Variants in TMEM132B observed in about 807,000 individuals in gnomAD.
TMEM132B encodes the protein transmembrane protein 132B.
A neutral mutation model predicts 90.8 loss-of-function variants in TMEM132B; 18 were observed. The observed-to-expected ratio is 0.20, with a 90% CI of 0.14 to 0.29. TMEM132B has a LOEUF of 0.29. Ranked by LOEUF, TMEM132B falls within the 10% of genes least tolerant of loss-of-function variation. TMEM132B has a pLI of 1.00. For synonymous variants in TMEM132B, 504 were observed against 523.3 expected (o/e 0.96, Z 0.50); for missense variants, 1,096 against 1,326.8 (o/e 0.83, Z 2.70).
intron 5 of TMEM132B, chr12:125,585,094 C>G (rs943562753): frequency 3.3e-5 from 5 of 152,146 alleles, no homozygotes; most frequent in African/African-American, 1.2e-4. Context: ...TTGTGACCTA[C>G]AGGATGCTGT....
At chr12:125,363,741 A>G (rs773310722) in intron 2 of TMEM132B, among the ~76,000 whole-genome samples, 19 of 152,218 alleles carry the variant, frequency 1.2e-4, no homozygotes, top group South Asian at 2.1e-4. Context: ...GCTTAGAAAG[A>G]TAAGTGACTT....
At chr12:125,526,383 C>A (rs1444020693) in intron 4 of TMEM132B, among the ~76,000 whole-genome samples, 2 of 152,238 alleles carry the variant, frequency 1.3e-5, no homozygotes, top group Non-Finnish European at 2.9e-5. Flanking sequence ...GAGACTTATT[C>A]CTACAGGCCC....
chr12:125,413,866 G>A (rs1023354547), intron 2 of TMEM132B, among the ~76,000 whole-genome samples: 1 of 146,110 alleles, frequency 6.8e-6, no homozygotes, highest in African/African-American at 2.6e-5. Context: ...CCTAGGAGTG[G>A]AATTGCTAGA....
chr12:125,264,400 A>G (rs1299821161), intron 1 of TMEM132B, among the ~76,000 whole-genome samples: 1 of 152,054 alleles, frequency 6.6e-6, no homozygotes, highest in Non-Finnish European at 1.5e-5. Flanking sequence ...GGAGGCAATC[A>G]CTCTACTAAG....
Position 125,243,010 on chromosome 12 carries a change from C to CATATATATATATATAT in TMEM132B, c.67+56152_67+56167dup, listed in dbSNP as rs763167605. Among the ~76,000 whole-genome samples the CATATATATATATATAT allele has an allele frequency of 4.2e-4, 46 of 109,308 alleles. 1 individual carries two copies. The highest frequency in any genetic ancestry group is 3.0e-3 in the South Asian group (9 of 3,024). The allele number at this position is 109,308 out of a possible 152,430, so 71.7% of individuals were successfully genotyped here. A position where few individuals can be genotyped will look rare whatever the true frequency, so the allele number is the denominator to read the frequency against. On this transcript the variant is annotated intron_variant, in intron 1 of 8. Transcript: ENST00000682704. Reference sequence around the variant, plus strand: ...TCTTTTCTCTTTCTCTCTCTTTCTTCATATATATATATATATATATATACA... The same window carrying CATATATATATATATAT: ...TCTTTTCTCTTTCTCTCTCTTTCTTCATATATATATATATATATATATATATATATATATATATACA...
chr12:125,528,103 C>T (rs193180645), intron 4 of TMEM132B, among the ~76,000 whole-genome samples: 6 of 152,162 alleles, frequency 3.9e-5, no homozygotes, highest in Admixed American at 3.9e-4. Context: ...TGCCCCCTCT[C>T]CGTGGCTAAG....
intron 2 of TMEM132B, among the ~76,000 whole-genome samples, chr12:125,389,060 A>G (rs1471691014): frequency 6.6e-6 from 1 of 151,114 alleles, no homozygotes; most frequent in Non-Finnish European, 1.5e-5. Context: ...ACACACAAAC[A>G]CACAAGATTG....
chr12:125,537,438 G>A (rs1247648004), intron 4 of TMEM132B, among the ~76,000 whole-genome samples: 1 of 152,222 alleles, frequency 6.6e-6, no homozygotes, highest in African/African-American at 2.4e-5. Context: ...TACTTCTACT[G>A]TTCCTGGGGC....
chr12:125,494,861 C>T (rs1277950268), intron 3 of TMEM132B, among the ~76,000 whole-genome samples: 7 of 71,916 alleles, frequency 9.7e-5, no homozygotes, highest in South Asian at 6.3e-4. Flanking sequence ...AATGGCCACG[C>T]CCCTCCTCCC....
intron 4 of TMEM132B, among the ~76,000 whole-genome samples, chr12:125,538,574 G>A (rs1320318962): frequency 2.0e-5 from 3 of 152,130 alleles, no homozygotes; most frequent in East Asian, 1.9e-4. Context: ...CTCATCCGTG[G>A]GCTGAATGCT....
chr12:125,499,301 C>T (rs994283685), intron 3 of TMEM132B, among the ~76,000 whole-genome samples: 3 of 152,128 alleles, frequency 2.0e-5, no homozygotes, highest in Non-Finnish European at 4.4e-5. Context: ...TGGATTTGAG[C>T]AAGACTGATT....
rs141691193 is a variant in TMEM132B at position 125,405,689 on chromosome 12, T to C, written c.960-9842T>C. Among the ~76,000 whole-genome samples, 438 of 152,306 alleles carry C rather than the reference T, an allele frequency of 2.9e-3. 2 individuals carry two copies. The highest frequency in any genetic ancestry group is 1.0e-2 in the African/African-American group (415 of 41,570). On this transcript the variant is annotated intron_variant, in intron 2 of 8. Transcript: ENST00000682704. ...TGCCTCCACCTTGTGATTTTGTGCC[T>C]GTTCCTTAATTGTTTGGTGCCACAG...
intron 4 of TMEM132B, among the ~76,000 whole-genome samples, chr12:125,537,441 C>T (rs936830599): frequency 2.0e-5 from 3 of 152,222 alleles, no homozygotes; most frequent in African/African-American, 7.2e-5. Context: ...TTCTACTGTT[C>T]CTGGGGCCTT....
intron 3 of TMEM132B, among the ~76,000 whole-genome samples, chr12:125,508,307 A>G (rs559989948): frequency 2.6e-5 from 4 of 152,154 alleles, no homozygotes; most frequent in Non-Finnish European, 5.9e-5. Context: ...CTTGGGCCTG[A>G]TCTTTGTAGG....
In TMEM132B at chr12:125,209,881, C is replaced by A. The variant is rs1873280218; in HGVS notation, c.67+23015C>A. On this transcript the variant is annotated intron_variant, in intron 1 of 8. Coordinates refer to ENST00000682704, the MANE Select transcript of TMEM132B (RefSeq NM_001366854.1). The surrounding 1 kb of genome is among the most constrained non-coding windows in gnomAD (Gnocchi z 4.4). The stretch of plus-strand genomic sequence containing the variant: ...ACTGGAGATAAATACTGTTAGATGG[C>A]CAGAGTGTCTTCCTCGCCTTGTCCT... Among the ~76,000 whole-genome samples the A allele has an allele frequency of 1.3e-5, 2 of 152,180 alleles. No homozygotes were observed. Among genetic ancestry groups the A allele is most frequent in the African/African-American group, 4.8e-5 (2 of 41,436 alleles).
chr12:125,480,246 A>C (rs1280548272), intron 3 of TMEM132B, among the ~76,000 whole-genome samples: 2 of 152,214 alleles, frequency 1.3e-5, no homozygotes, highest in Non-Finnish European at 2.9e-5. Context: ...GAAGGCAAGA[A>C]ATAATTAAGA....
chr12:125,218,355 A>G (rs1873485292), intron 1 of TMEM132B, among the ~76,000 whole-genome samples: 1 of 152,180 alleles, frequency 6.6e-6, no homozygotes. Flanking sequence ...AAATGAGAAA[A>G]AAGGGCCTAT....
chr12:125,488,149 C>T (rs1381400368), intron 3 of TMEM132B, among the ~76,000 whole-genome samples: 1 of 152,126 alleles, frequency 6.6e-6, no homozygotes, highest in Admixed American at 6.6e-5. Context: ...TAGACAGTAT[C>T]TTCTAGAACT....
At chr12:125,233,753 G>A (rs989542634) in intron 1 of TMEM132B, among the ~76,000 whole-genome samples, 15 of 152,112 alleles carry the variant, frequency 9.9e-5, no homozygotes, top group African/African-American at 3.1e-4. Context: ...CCCTTTGATT[G>A]GGCTCGTGGA....
Sources: gnomAD v4.1 joint callset for allele counts (sites outside exome capture counted in the v4.1 genomes callset) on GRCh38, gnomAD v4.1.1 for gene constraint, Gnocchi (gnomAD v3.1) non-coding constraint, MANE v1.5 for transcripts, NCBI Gene and HGNC (gene_info 2026-07-23, HGNC 2026-07-21) for gene names.